Variants in ICE1 observed in about 807,000 individuals in gnomAD.
ICE1 encodes the protein interactor of little elongation complex ELL subunit 1.
A neutral mutation model predicts 192.7 loss-of-function variants in ICE1; 64 were observed. That is an observed-to-expected ratio of 0.33 (90% CI 0.27 to 0.41). The LOEUF is 0.41. Ranked by LOEUF, ICE1 falls within the 10% of genes least tolerant of loss-of-function variation. The pLI, the probability that ICE1 is intolerant of heterozygous loss-of-function variation, is 1.00. For synonymous variants in ICE1, 1,010 were observed against 984.5 expected, an observed-to-expected ratio of 1.03 and a Z score of -0.49; for missense variants, 2,708 against 2,696.0, an observed-to-expected ratio of 1.00 and a Z score of -0.10.
In ICE1 at chr5:5,462,297, A is replaced by G; in HGVS notation, c.2963A>G (p.Gln988Arg). The G allele has an allele frequency of 6.2e-7, 1 of 1,613,906 alleles. No individual in the cohort carries two copies. The highest frequency in any genetic ancestry group is 8.5e-7 in the Non-Finnish European group (1 of 1,179,846). ...GATGGGCAGAAGCAAAGGCAGCCTC[A>G]GGCCACAGATCTGGACTCCAGTGGG... ...QGDGQKQRQP[Q>R]ATDLDSSGTH... The change falls in exon 13 of 19, where the codon CAG becomes CGG. Residue 988 changes from glutamine to arginine, a missense_variant. Physicochemically the swap from Gln to Arg is conservative, Grantham distance 43 (BLOSUM62 1). Coordinates refer to ENST00000296564, the MANE Select transcript of ICE1 (RefSeq NM_015325.3).
At chr5:5,423,814 G>GC (rs1737424800) in intron 1 of ICE1, among the ~76,000 whole-genome samples, 1 of 152,170 alleles carries the variant, frequency 6.6e-6, no homozygotes, top group African/African-American at 2.4e-5. Context: ...TACCTACTCT[G>GC]CCTAGTGTTC....
chr5:5,432,286 C>T (rs767980964), intron 1 of ICE1, among the ~76,000 whole-genome samples: 2 of 152,290 alleles, frequency 1.3e-5, no homozygotes, highest in South Asian at 2.1e-4. Flanking sequence ...CTAGAATACA[C>T]GTGGACTTTT....
At position 5,465,200 on chromosome 5, in the gene ICE1, G is replaced by T; in HGVS notation, c.5866G>T (p.Val1956Phe). The T allele has an allele frequency of 6.3e-7, 1 of 1,585,820 alleles. No homozygotes were observed. The highest frequency in any genetic ancestry group is 8.6e-7 in the Non-Finnish European group (1 of 1,165,050). The change falls in exon 13 of 19, where the codon GTT becomes TTT. Residue 1956 changes from valine to phenylalanine, a missense_variant. Coordinates refer to ENST00000296564, the MANE Select transcript of ICE1 (RefSeq NM_015325.3). Reference sequence around the variant, plus strand: ...AATGAGAGATCAAGAGAAGGAAGTTGTTTATGAATTTAGCACAACAAAAAA... The same window carrying T: ...AATGAGAGATCAAGAGAAGGAAGTTTTTTATGAATTTAGCACAACAAAAAA... ...PVMRDQEKEV[V>F]YEFSTTKKHL...
chr5:5,456,281 A>G (rs888668384), intron 11 of ICE1, among the ~76,000 whole-genome samples: 5 of 152,138 alleles, frequency 3.3e-5, no homozygotes, highest in African/African-American at 9.7e-5. Flanking sequence ...ACATTGTGCA[A>G]ATATTCTGTT....
chr5:5,423,052 C>T (rs1737364052), intron 1 of ICE1, 53 bp downstream of exon 1: 1 of 1,259,476 alleles, frequency 7.9e-7, no homozygotes, highest in Non-Finnish European at 1.0e-6. Flanking sequence ...CTCGGCCGGC[C>T]GGGAGCGCAG....
rs559634652 is a variant in ICE1, at chr5:5,448,496, G to C, written c.604+599G>C. Among the ~76,000 whole-genome samples, 143 of 152,228 alleles carry C rather than the reference G, an allele frequency of 9.4e-4. 1 individual carries two copies. Among genetic ancestry groups the C allele is most frequent in the Non-Finnish European group, 6.0e-4 (41 of 68,006 alleles). ...AATTTTCACTTCCATCCTTCCATTTGTTGTGTGACTCTGCCATTTACTTTC... is the reference window on the plus strand; with the variant it reads ...AATTTTCACTTCCATCCTTCCATTTCTTGTGTGACTCTGCCATTTACTTTC... On this transcript the variant is annotated intron_variant, in intron 10 of 18. Transcript: ENST00000296564.
At chr5:5,475,217 T>A (rs1739274699) in intron 16 of ICE1, among the ~76,000 whole-genome samples, 1 of 152,070 alleles carries the variant, frequency 6.6e-6, no homozygotes, top group Non-Finnish European at 1.5e-5. Flanking sequence ...AACATGAGGA[T>A]CTCCACCTGA....
chr5:5,456,969 C>G (rs1336212837), intron 11 of ICE1, among the ~76,000 whole-genome samples: 1 of 152,086 alleles, frequency 6.6e-6, no homozygotes, highest in Non-Finnish European at 1.5e-5. Context: ...CCTATAGGCA[C>G]AAAGTTGTTT....
At chr5:5,484,252 T>G (rs1269058114) in intron 17 of ICE1, among the ~76,000 whole-genome samples, 3 of 152,174 alleles carry the variant, frequency 2.0e-5, no homozygotes, top group Non-Finnish European at 4.4e-5. Flanking sequence ...ACTCCTTAGC[T>G]CCATTAATTT....
intron 1 of ICE1, among the ~76,000 whole-genome samples, chr5:5,432,922 C>G (rs947710160): frequency 6.6e-6 from 1 of 152,118 alleles, no homozygotes; most frequent in African/African-American, 2.4e-5. Flanking sequence ...GTTTGGAAGT[C>G]CTTGCAAAGA....
intron 1 of ICE1, among the ~76,000 whole-genome samples, chr5:5,425,609 C>G (rs1162718766): frequency 6.6e-6 from 1 of 152,110 alleles, no homozygotes; most frequent in East Asian, 1.9e-4. Context: ...CAAAGTGAGT[C>G]TAGAAAAATA....
At chr5:5,436,356 C>A in intron 1 of ICE1, 62 bp from the exon 2 acceptor site, 3 of 951,896 alleles carry the variant, frequency 3.2e-6, no homozygotes, top group Non-Finnish European at 3.0e-6. Flanking sequence ...AATAATGTTA[C>A]AGACAATAAT....
intron 16 of ICE1, among the ~76,000 whole-genome samples, chr5:5,474,247 C>T (rs1163139256): frequency 6.6e-6 from 1 of 151,848 alleles, no homozygotes; most frequent in Non-Finnish European, 1.5e-5. Flanking sequence ...ACCTTCATCC[C>T]TATCACATTT....
At chr5:5,425,503 G>A (rs969152185) in intron 1 of ICE1, among the ~76,000 whole-genome samples, 119 of 152,296 alleles carry the variant, frequency 7.8e-4, no homozygotes, top group African/African-American at 2.6e-3. Flanking sequence ...TCTAGGTCAG[G>A]ACACTATTGC....
chr5:5,463,678 C>T lies in ICE1; in HGVS notation c.4344C>T (p.Ile1448=), dbSNP rs757498769. 2 of 1,613,748 alleles carry T rather than the reference C, an allele frequency of 1.2e-6. No individual in the cohort carries two copies. Among genetic ancestry groups the T allele is most frequent in the African/African-American group, 2.7e-5 (2 of 74,912 alleles). ...QVTLCDIPGD[I]PISQDQGELE... ...CACTGTGTGACATTCCTGGAGACAT[C>T]CCTATTTCTCAGGATCAAGGAGAGC... The change falls in exon 13 of 19, where the codon ATC becomes ATT. Residue 1448 remains isoleucine, a synonymous_variant. Coordinates refer to ENST00000296564, the MANE Select transcript of ICE1 (RefSeq NM_015325.3).
At chr5:5,448,219 A>T (rs1738298850) in intron 10 of ICE1, among the ~76,000 whole-genome samples, 1 of 152,180 alleles carries the variant, frequency 6.6e-6, no homozygotes, top group Admixed American at 6.5e-5. Flanking sequence ...TAATTTATTA[A>T]ATTTCCTGGG....
At chr5:5,439,858 A>C in intron 3 of ICE1, 37 bp from the exon 4 acceptor site, 1 of 1,451,264 alleles carries the variant, frequency 6.9e-7, no homozygotes, top group Non-Finnish European at 9.3e-7. Context: ...AAGTATCAGA[A>C]GATAAAATTC....
At chr5:5,434,558 C>T (rs1207395404) in intron 1 of ICE1, among the ~76,000 whole-genome samples, 1 of 152,068 alleles carries the variant, frequency 6.6e-6, no homozygotes, top group African/African-American at 2.4e-5. Flanking sequence ...TTTTTGCATA[C>T]CCTTAAGAAC....
chr5:5,485,235 T>A (rs374128332), intron 17 of ICE1, among the ~76,000 whole-genome samples: 2 of 152,208 alleles, frequency 1.3e-5, no homozygotes, highest in African/African-American at 4.8e-5. Flanking sequence ...ATTTAGTTAT[T>A]CATTTAAAAT....
Sources: allele counts gnomAD v4.1 joint callset (sites outside exome capture counted in the v4.1 genomes callset), GRCh38; gene constraint gnomAD v4.1.1; transcripts MANE v1.5; gene names NCBI Gene and HGNC (gene_info 2026-07-23, HGNC 2026-07-21).